Variants in GSTO1 observed in about 807,000 individuals in gnomAD.
GSTO1 encodes glutathione S-transferase omega 1.
In GSTO1, 27 loss-of-function variants were observed where a neutral mutation model predicts 23.8. The ratio of observed to expected loss-of-function variants is 1.13; its 90% CI spans 0.83 to 1.56. GSTO1 has a LOEUF of 1.56. Among genes scored for constraint, GSTO1 ranks in the 40% most tolerant of loss-of-function variants. The probability of loss-of-function intolerance (pLI) is 0.00; values close to 1 mark genes in which losing one functional copy is unlikely to be tolerated. For missense variants in GSTO1, 255 were observed against 285.8 expected, an observed-to-expected ratio of 0.89 and a Z score of 0.78; for synonymous variants, 105 against 109.3, an observed-to-expected ratio of 0.96 and a Z score of 0.25.
chr10:104,262,999 CT>C lies in GSTO1; in HGVS notation c.390del (p.Phe130LeufsTer13). ...TCTAGGTGCCATCCTTGGTAGGAAG[CT>C]TTATTAGAAGCCAAAATAAAGAAGA... ...FSKVPSLVGS[F>X]IRSQNKEDYA... On this transcript the variant is annotated frameshift_variant, in exon 4 of 6. Transcript: ENST00000369713. LOFTEE classifies it high-confidence loss of function. 6.6e-7 allele frequency: 1 copy of C among 1,515,938 alleles called. No individual in the cohort carries two copies. Among genetic ancestry groups the C allele is most frequent in the Non-Finnish European group, 9.1e-7 (1 of 1,094,310 alleles). 93.9% of individuals were successfully genotyped at this position (1,515,938 alleles called of 1,614,324 possible).
At position 104,263,045 on chromosome 10, in the gene GSTO1, G is replaced by T; in HGVS notation, c.433G>T (p.Glu145Ter). 6.5e-7 allele frequency: 1 copy of T among 1,527,806 alleles called. No homozygotes were observed. Among genetic ancestry groups the T allele is most frequent in the South Asian group, 1.1e-5 (1 of 88,704 alleles). The allele number at this position is 1,527,806 out of a possible 1,614,324, so 94.6% of individuals were successfully genotyped here. ...AGAAGACTATGCTGGCCTAAAAGAA[G>T]AATTTCGTAAAGAATTTACCAAGCT... ...NKEDYAGLKE[E>*]FRKEFTKLEE... Residue 145 changes from glutamate to a stop codon, truncating the protein, a stop_gained, in exon 4 of 6, where the codon GAA becomes TAA. Transcript: ENST00000369713. LOFTEE classifies it high-confidence loss of function.
At chr10:104,259,413 A>G (rs1396633884) in intron 2 of GSTO1, among the ~76,000 whole-genome samples, 163 bp from the exon 3 acceptor site, 1 of 152,266 alleles carries the variant, frequency 6.6e-6, no homozygotes, top group Non-Finnish European at 1.5e-5. Context: ...AGGTGTATCA[A>G]AAGTAGTCAG....
At position 104,254,907 on chromosome 10, in the gene GSTO1, G is replaced by T; in HGVS notation, c.-22G>T. ...TGAATCCCCTGCAAACCCCAGAGGA[G>T]CTCGGCCTGCGCTGCGCCACGATGT... On this transcript the variant is annotated 5_prime_UTR_variant, in exon 1 of 6. Transcript: ENST00000369713. 6 of 1,610,666 alleles carry T rather than the reference G, an allele frequency of 3.7e-6. No individual in the cohort carries two copies. The highest frequency in any genetic ancestry group is 5.1e-6 in the Non-Finnish European group (6 of 1,178,672).
chr10:104,258,595 G>C (rs980555774), intron 2 of GSTO1, among the ~76,000 whole-genome samples: 3 of 152,188 alleles, frequency 2.0e-5, no homozygotes, highest in Non-Finnish European at 4.4e-5. Flanking sequence ...ACACTTCTCA[G>C]GCTGGGCATG....
chr10:104,266,979 T>G (rs1432001692), intron 5 of GSTO1, among the ~76,000 whole-genome samples: 2 of 152,202 alleles, frequency 1.3e-5, no homozygotes, highest in African/African-American at 2.4e-5. Context: ...TTCCCTGTTC[T>G]TATTTTAATA....
chr10:104,255,182 G>A lies in GSTO1; in HGVS notation c.54G>A (p.Pro18=), dbSNP rs370296132. 1.2e-5 allele frequency: 20 copies of A among 1,613,360 alleles called. No homozygotes were observed. Among genetic ancestry groups the A allele is most frequent in the Admixed American group, 5.0e-5 (3 of 59,988 alleles). Residue 18 remains proline (P), a synonymous_variant, in exon 2 of 6, where the codon CCG becomes CCA. Transcript: ENST00000369713. ...SLGKGSAPPG[P]VPEGSIRIYS... is the part of the protein sequence containing the mutation. ...CGGCAGGAAGCGCGCCCCCGGGGCCGGTCCCGGAGGGCTCGATCCGCATCT... is the reference window on the plus strand; with the variant it reads ...CGGCAGGAAGCGCGCCCCCGGGGCCAGTCCCGGAGGGCTCGATCCGCATCT...
intron 1 of GSTO1, 22 bp downstream of exon 1, chr10:104,254,984 G>A (rs753227327): frequency 7.5e-6 from 12 of 1,601,002 alleles, no homozygotes; most frequent in Non-Finnish European, 1.0e-5. Flanking sequence ...CCGCCGCGAA[G>A]AGGGGGTGAT....
intron 2 of GSTO1, among the ~76,000 whole-genome samples, chr10:104,257,286 A>G (rs1259674777): frequency 1.3e-5 from 2 of 150,922 alleles, no homozygotes; most frequent in African/African-American, 4.9e-5. Flanking sequence ...CTCAGACAAC[A>G]TTTTTTAAAA....
chr10:104,267,238 TC>T lies in GSTO1; in HGVS notation c.573-12del. The T allele has an allele frequency of 6.3e-7, 1 of 1,595,292 alleles. No individual in the cohort carries two copies. Among genetic ancestry groups the T allele is most frequent in the East Asian group, 2.2e-5 (1 of 44,740 alleles). On this transcript the variant is annotated splice_polypyrimidine_tract_variant and intron_variant, in intron 5 of 5. Coordinates refer to ENST00000369713, the MANE Select transcript of GSTO1 (RefSeq NM_004832.3). Reference sequence around the variant, plus strand: ...GACCTAGCTCACACCTTTCATTTTTTCCTCTTCCCACAGGTGTGTAGACCAC... The same window carrying T: ...GACCTAGCTCACACCTTTCATTTTTTCTCTTCCCACAGGTGTGTAGACCAC...
Position 104,259,741 on chromosome 10 carries a change from G to A in GSTO1, c.309G>A (p.Leu103=). 6.2e-7 allele frequency: 1 copy of A among 1,614,016 alleles called. No homozygotes were observed. The highest frequency in any genetic ancestry group is 8.5e-7 in the Non-Finnish European group (1 of 1,179,852). ...LDEAYPGKKL[L]PDDPYEKACQ... Reference sequence around the variant, plus strand: ...AAGCATACCCAGGGAAGAAGCTGTTGCCGGATGACCCCTATGAGAAAGCTT... The same window carrying A: ...AAGCATACCCAGGGAAGAAGCTGTTACCGGATGACCCCTATGAGAAAGCTT... The change falls in exon 3 of 6, where the codon TTG becomes TTA. Residue 103 remains leucine (L), a synonymous_variant. Coordinates refer to ENST00000369713, the MANE Select transcript of GSTO1 (RefSeq NM_004832.3).
At chr10:104,260,203 T>C (rs1276041924) in intron 3 of GSTO1, among the ~76,000 whole-genome samples, 1 of 152,184 alleles carries the variant, frequency 6.6e-6, no homozygotes, top group Non-Finnish European at 1.5e-5. Flanking sequence ...TTCCCATCCG[T>C]GTGAACTTTT....
intron 4 of GSTO1, among the ~76,000 whole-genome samples, chr10:104,265,249 G>A (rs2011169767): frequency 6.6e-6 from 1 of 152,116 alleles, no homozygotes; most frequent in African/African-American, 2.4e-5. Context: ...GGGCTTTTTT[G>A]TACTTTATAC....
intron 4 of GSTO1, among the ~76,000 whole-genome samples, chr10:104,265,091 G>A (rs2135066244): frequency 6.6e-6 from 1 of 152,290 alleles, no homozygotes; most frequent in African/African-American, 2.4e-5. Flanking sequence ...ACCATCATAA[G>A]CTGCAGACTG....
At position 104,254,937 on chromosome 10, in the gene GSTO1, G is replaced by C. The variant is rs760881698; in HGVS notation, c.9G>C (p.Gly3=). 6.2e-7 allele frequency: 1 copy of C among 1,611,508 alleles called. No individual in the cohort carries two copies. The highest frequency in any genetic ancestry group is 1.7e-5 in the Admixed American group (1 of 59,762). ...GCCTGCGCTGCGCCACGATGTCCGG[G>C]GAGTCAGCCAGGAGCTTGGGGAAGG... MS[G]ESARSLGKGS... is the part of the protein sequence containing the mutation. The change falls in exon 1 of 6, where the codon GGG becomes GGC. Residue 3 remains glycine, a synonymous_variant. Transcript: ENST00000369713.
intron 3 of GSTO1, among the ~76,000 whole-genome samples, chr10:104,262,306 G>T (rs1306812919): frequency 6.6e-6 from 1 of 152,230 alleles, no homozygotes; most frequent in Non-Finnish European, 1.5e-5. Flanking sequence ...GCAGCAGTGA[G>T]TGCTTCCCAT....
In GSTO1 at chr10:104,259,746, A is replaced by C; in HGVS notation, c.314A>C (p.Asp105Ala). ...TACCCAGGGAAGAAGCTGTTGCCGG[A>C]TGACCCCTATGAGAAAGCTTGCCAG... The part of the protein sequence containing the change: ...EAYPGKKLLP[D>A]DPYEKACQKM... Residue 105 changes from aspartate (D) to alanine (A), a missense_variant, in exon 3 of 6, where the codon GAT becomes GCT. Asp to Ala is a moderately radical substitution (Grantham distance 126, BLOSUM62 -2). Coordinates refer to ENST00000369713, the MANE Select transcript of GSTO1 (RefSeq NM_004832.3). 1 of 1,613,974 alleles carries C rather than the reference A, an allele frequency of 6.2e-7. No homozygotes were observed.
At chr10:104,265,482 G>A (rs1003943660) in intron 4 of GSTO1, among the ~76,000 whole-genome samples, 1 of 152,078 alleles carries the variant, frequency 6.6e-6, no homozygotes. Flanking sequence ...ATATCTTTTG[G>A]TGAACATGTG....
chr10:104,254,687 T>C, upstream of GSTO1: 1 of 589,526 alleles, frequency 1.7e-6, no homozygotes, highest in Non-Finnish European at 3.0e-6. Context: ...TTATAACTTT[T>C]GTGTATCTCC....
At chr10:104,264,872 C>T (rs12258262) in intron 4 of GSTO1, among the ~76,000 whole-genome samples, 11,193 of 152,132 alleles carry the variant, frequency 0.074, 1,367 homozygotes, top group African/African-American at 0.25. Flanking sequence ...TATAATTTAT[C>T]GAATACCTGC....
Sources: gnomAD v4.1 joint callset for allele counts (sites outside exome capture counted in the v4.1 genomes callset) on GRCh38, gnomAD v4.1.1 for gene constraint, MANE v1.5 for transcripts, NCBI Gene and HGNC (gene_info 2026-07-23, HGNC 2026-07-21) for gene names.